TNRC18: variants seen among roughly 807,000 people sequenced by gnomAD.
The protein encoded by TNRC18 is trinucleotide repeat containing 18.
Under a neutral mutation model 226.7 loss-of-function variants are expected in TNRC18, and 69 were observed. The observed-to-expected ratio is 0.30, with a 90% confidence interval of 0.25 to 0.37. The LOEUF (loss-of-function observed/expected upper bound fraction) is 0.37. Ranked by LOEUF, TNRC18 falls within the 10% of genes least tolerant of loss-of-function variation. The probability of loss-of-function intolerance (pLI) is 1.00; values close to 1 mark genes in which losing one functional copy is unlikely to be tolerated. For missense variants in TNRC18, 4,754 were observed against 4,256.6 expected, an observed-to-expected ratio of 1.12 and a Z score of -3.25; for synonymous variants, 2,449 against 1,927.6, an observed-to-expected ratio of 1.27 and a Z score of -7.09.
chr7:5,311,214 G>T (rs1352732488), intron 27 of TNRC18, among the ~76,000 whole-genome samples: 1 of 152,148 alleles, frequency 6.6e-6, no homozygotes, highest in African/African-American at 2.4e-5. Context: ...GTGTGCATGT[G>T]CCCATGCTTT....
At position 5,377,063 on chromosome 7, in the gene TNRC18, GC is replaced by G. The variant is rs1441950337; in HGVS notation, c.2462-71del. ...AGCGGTTTGTCCTCGGGCAGCCCCAGCCCAGCACCACCTCCCAAGTCCTGAA... is the reference window on the plus strand; with the variant it reads ...AGCGGTTTGTCCTCGGGCAGCCCCAGCCAGCACCACCTCCCAAGTCCTGAA... On this transcript the variant is annotated intron_variant, in intron 7 of 29. Coordinates refer to ENST00000430969, the MANE Select transcript of TNRC18 (RefSeq NM_001080495.3). The surrounding 1 kb of genome is among the most constrained non-coding windows in gnomAD (Gnocchi z 5.8). The G allele has an allele frequency of 2.0e-6, 3 of 1,523,356 alleles. No individual in the cohort carries two copies. Among genetic ancestry groups the G allele is most frequent in the African/African-American group, 2.8e-5 (2 of 71,358 alleles). 94.4% of individuals were successfully genotyped at this position (1,523,356 alleles called of 1,614,324 possible). A position where few individuals can be genotyped will look rare whatever the true frequency, so the allele number is the denominator to read the frequency against.
At chr7:5,373,471 C>T (rs1326256015) in intron 10 of TNRC18, among the ~76,000 whole-genome samples, 2 of 152,178 alleles carry the variant, frequency 1.3e-5, no homozygotes, top group East Asian at 1.9e-4. Flanking sequence ...GAGAGACAGG[C>T]GCCGGGCCAA....
intron 18 of TNRC18, 129 bp from the exon 19 acceptor site, chr7:5,333,178 G>C: frequency 1.8e-6 from 2 of 1,108,520 alleles, no homozygotes. Context: ...CCCGTTTCCA[G>C]GAGAGGAAAC....
intron 9 of TNRC18, among the ~76,000 whole-genome samples, chr7:5,375,265 T>C (rs1794545533): frequency 6.6e-6 from 1 of 152,008 alleles, no homozygotes; most frequent in Non-Finnish European, 1.5e-5. Context: ...CCCGAGATAG[T>C]ACCACTGCAC....
chr7:5,398,370 A>G (rs915548309), intron 2 of TNRC18, among the ~76,000 whole-genome samples: 1 of 152,082 alleles, frequency 6.6e-6, no homozygotes, highest in Non-Finnish European at 1.5e-5. Context: ...AGGTTTCTCA[A>G]TGTTGGTCAG....
intron 19 of TNRC18, 151 bp downstream of exon 19, chr7:5,332,471 T>C: frequency 1.3e-6 from 1 of 796,158 alleles, no homozygotes; most frequent in South Asian, 2.0e-5. Flanking sequence ...CTGCTGTGGC[T>C]AAGTCCTAGC....
intron 2 of TNRC18, among the ~76,000 whole-genome samples, chr7:5,395,221 T>C (rs982024738): frequency 3.9e-5 from 6 of 151,984 alleles, no homozygotes; most frequent in East Asian, 1.9e-4. Flanking sequence ...CCCCAGCCCA[T>C]GGCTGGCACC....
chr7:5,308,124 G>A lies in TNRC18; in HGVS notation c.8889C>T (p.Gly2963=), dbSNP rs377410479. Residue 2963 remains glycine, a synonymous_variant, in exon 30 of 30, where the codon GGC becomes GGT. Transcript: ENST00000430969. ...GGCGGGCTCAGCAGAGCACGGGCAC[G>A]CCGTCCGTGGAGAAGATCATGCCCG... The part of the protein sequence containing the change: ...PTTGMIFSTD[G]VPVLC The A allele has an allele frequency of 2.6e-4, 406 of 1,553,720 alleles. No homozygotes were observed. Among genetic ancestry groups the A allele is most frequent in the African/African-American group, 6.0e-4 (44 of 73,214 alleles).
intron 2 of TNRC18, among the ~76,000 whole-genome samples, chr7:5,397,421 G>T (rs1274537994): frequency 1.3e-5 from 2 of 152,202 alleles, no homozygotes; most frequent in Non-Finnish European, 2.9e-5. Flanking sequence ...CCAGCCAACG[G>T]CTCCTGCCCA....
At chr7:5,349,798 G>C (rs894087803) in intron 17 of TNRC18, among the ~76,000 whole-genome samples, 1 of 152,200 alleles carries the variant, frequency 6.6e-6, no homozygotes, top group African/African-American at 2.4e-5. Context: ...TACTAGAAAA[G>C]CCAAGCCAGT....
chr7:5,360,977 TTGACGGGCCCCTTTCCGATCGTGC>T (rs1792977499), intron 14 of TNRC18, among the ~76,000 whole-genome samples: 1 of 152,140 alleles, frequency 6.6e-6, no homozygotes, highest in South Asian at 2.1e-4. Context: ...ACCCCTTTCC[TTGACGGGCCCCTTTCCGATCGTGC>T]TACAGACACC....
chr7:5,374,213 G>C lies in TNRC18; in HGVS notation c.3071C>G (p.Pro1024Arg). 6.7e-7 allele frequency: 1 copy of C among 1,486,272 alleles called. No individual in the cohort carries two copies. The allele number at this position is 1,486,272 out of a possible 1,614,324, so 92.1% of individuals were successfully genotyped here. The change falls in exon 10 of 30, where the codon CCC (proline) becomes CGC (arginine). Residue 1024 changes from proline (P) to arginine (R), a missense_variant. Physicochemically the swap from Pro to Arg is moderately radical, Grantham distance 103. Transcript: ENST00000430969. ...GGTGGGGTGGGAGCTGGGGGTGGCG[G>C]GGTAGGCGTAGGCGGGTGGCTTGGA... ...DVSKPPAYAYPATPSSHPTSP... is the reference protein window; with the variant it reads ...DVSKPPAYAYRATPSSHPTSP...
intron 21 of TNRC18, among the ~76,000 whole-genome samples, chr7:5,323,336 C>T (rs957374755): frequency 2.0e-5 from 3 of 151,192 alleles, no homozygotes; most frequent in African/African-American, 7.3e-5. Flanking sequence ...AGGGCTTCCC[C>T]CCACCCCCAC....
chr7:5,419,419 T>A (rs576670326), intron 2 of TNRC18, among the ~76,000 whole-genome samples: 2 of 152,132 alleles, frequency 1.3e-5, no homozygotes, highest in South Asian at 4.2e-4. Context: ...GGGGCCCCCC[T>A]GCCACCACTC....
Position 5,374,202 on chromosome 7 carries a change from T to TGGGGGTGGGGGGGTAGCG in TNRC18, c.3081_3082insCGCTACCCCCCCACCCCC (p.Pro1027_Ser1028insArgTyrProProThrPro). On this transcript the variant is annotated inframe_insertion, in exon 10 of 30. Transcript: ENST00000430969. ...GGCGGCGGGCTGGTGGGGTGGGAGC[T>TGGGGGTGGGGGGGTAGCG]GGGGGTGGCGGGGTAGGCGTAGGCG... 3.0e-6 allele frequency: 1 copy of TGGGGGTGGGGGGGTAGCG among 328,514 alleles called. No homozygotes were observed. The allele number at this position is 328,514 out of a possible 1,614,324, so 20.3% of individuals were successfully genotyped here. A position where few individuals can be genotyped will look rare whatever the true frequency, so the allele number is the denominator to read the frequency against.
intron 2 of TNRC18, among the ~76,000 whole-genome samples, chr7:5,396,283 G>A (rs1033848090): frequency 6.6e-6 from 1 of 152,088 alleles, no homozygotes; most frequent in Non-Finnish European, 1.5e-5. Context: ...AGGAGGTGGA[G>A]GTTGCAGTGA....
intron 24 of TNRC18, among the ~76,000 whole-genome samples, chr7:5,317,807 G>A (rs1460260013): frequency 6.6e-6 from 1 of 151,696 alleles, no homozygotes; most frequent in Non-Finnish European, 1.5e-5. Context: ...CCAGGCTCAG[G>A]TGATCCTCCC....
chr7:5,327,372 CGTGTGTGTGTGT>C lies in TNRC18; in HGVS notation c.6148-2136_6148-2125del, dbSNP rs5882054. Among the ~76,000 whole-genome samples, 1,425 of 142,796 alleles carry C rather than the reference CGTGTGTGTGTGT, an allele frequency of 1.0e-2. 26 individuals are homozygous for C. Among genetic ancestry groups the C allele is most frequent in the Non-Finnish European group, 0.01 (658 of 64,288 alleles). 93.7% of individuals were successfully genotyped at this position (142,796 alleles called of 152,430 possible). A position where few individuals can be genotyped will look rare whatever the true frequency, so the allele number is the denominator to read the frequency against. On this transcript the variant is annotated intron_variant, in intron 19 of 29. Coordinates refer to ENST00000430969, the MANE Select transcript of TNRC18 (RefSeq NM_001080495.3). ...AAAAATATATATGTGTGTGTTTGTG[CGTGTGTGTGTGT>C]GTGTGTGTGTGTGTGTGTGTGTGTG...
chr7:5,345,509 T>A (rs1791085514), intron 18 of TNRC18, 53 bp downstream of exon 18: 1 of 491,590 alleles, frequency 2.0e-6, no homozygotes, highest in Non-Finnish European at 3.8e-6. Flanking sequence ...GATGGGGCAA[T>A]GGCGTCCGCC....
Sources: gnomAD v4.1 joint callset for allele counts (sites outside exome capture counted in the v4.1 genomes callset) on GRCh38, gnomAD v4.1.1 for gene constraint, Gnocchi (gnomAD v3.1) non-coding constraint, MANE v1.5 for transcripts, NCBI Gene and HGNC (gene_info 2026-07-23, HGNC 2026-07-21) for gene names.